The following TTC7B variants were observed in gnomAD, a reference collection of about 807,000 sequenced individuals.
TTC7B encodes the protein tetratricopeptide repeat protein 7B.
A neutral mutation model predicts 106.8 loss-of-function variants in TTC7B; 28 were observed. That is an observed-to-expected ratio of 0.26 (90% CI 0.19 to 0.36). The LOEUF (loss-of-function observed/expected upper bound fraction) is 0.36. Among genes scored for constraint, TTC7B ranks in the 10% least tolerant of loss-of-function variants. The pLI is 1.00. For synonymous variants in TTC7B, 405 were observed against 430.6 expected (o/e 0.94, Z 0.74); for missense variants, 862 against 1,076.4 (o/e 0.80, Z 2.79).
intron 15 of TTC7B, among the ~76,000 whole-genome samples, chr14:90,640,758 C>G (rs1198106294): frequency 6.6e-6 from 1 of 152,158 alleles, no homozygotes; most frequent in African/African-American, 2.4e-5. Context: ...AATGCACCAG[C>G]TAAATCAATT....
intron 5 of TTC7B, among the ~76,000 whole-genome samples, chr14:90,722,089 A>G (rs1888918823): frequency 6.6e-6 from 1 of 152,222 alleles, no homozygotes; most frequent in African/African-American, 2.4e-5. Context: ...AGGTGAGTCA[A>G]GTCTTCCAGA....
Position 90,808,782 on chromosome 14 carries a change from G to A in TTC7B, c.121+7393C>T, listed in dbSNP as rs1047157902. On this transcript the variant is annotated intron_variant, in intron 1 of 19. Transcript: ENST00000328459. The surrounding 1 kb of genome is among the most constrained non-coding windows in gnomAD (Gnocchi z 4.2). ...CACGCATGTCAAAGGCCTGCAACCC[G>A]CCACCATCTACCAAGCATGAGGTCA... is the stretch of plus-strand genomic sequence containing the variant. 1.3e-5 allele frequency among the ~76,000 whole-genome samples: 2 copies of A among 152,130 alleles called. No individual in the cohort carries two copies. Among genetic ancestry groups the A allele is most frequent in the Non-Finnish European group, 2.9e-5 (2 of 68,024 alleles).
At chr14:90,806,588 C>G (rs1226198740) in intron 1 of TTC7B, among the ~76,000 whole-genome samples, 1 of 152,164 alleles carries the variant, frequency 6.6e-6, no homozygotes, top group African/African-American at 2.4e-5. Context: ...GTCTCATTTA[C>G]TCCACAAAAT....
chr14:90,706,222 G>A (rs1888205263), intron 5 of TTC7B, among the ~76,000 whole-genome samples: 1 of 150,506 alleles, frequency 6.6e-6, no homozygotes, highest in African/African-American at 2.5e-5. Flanking sequence ...GGGTGCAGTG[G>A]CGCAATCTCG....
In TTC7B at chr14:90,649,011, A is replaced by G. The variant is rs1344626812; in HGVS notation, c.1518-1988T>C. 2.6e-5 allele frequency: 4 copies of G among 152,336 alleles called. No homozygotes were observed. In the East Asian group the frequency reaches 7.7e-4, roughly 29 times the overall value. 9.4% of individuals were successfully genotyped at this position (152,336 alleles called of 1,614,324 possible). A position where few individuals can be genotyped will look rare whatever the true frequency, so the allele number is the denominator to read the frequency against. ...AAGCTGGCAATGATCTGTTGAGTTG[A>G]GGGTGTACATAAAGATAGTTCTGGC... On this transcript the variant is annotated intron_variant, in intron 13 of 19. Transcript: ENST00000328459.
intron 1 of TTC7B, among the ~76,000 whole-genome samples, chr14:90,792,738 T>C (rs1239811428): frequency 6.6e-6 from 1 of 152,014 alleles, no homozygotes; most frequent in African/African-American, 2.4e-5. Flanking sequence ...AATGAAGATG[T>C]GTACAGTATT....
intron 8 of TTC7B, among the ~76,000 whole-genome samples, chr14:90,680,124 T>C (rs1416798917): frequency 6.6e-6 from 1 of 152,230 alleles, no homozygotes; most frequent in African/African-American, 2.4e-5. Context: ...GGCCTCTTTC[T>C]CCTTTTAAGG....
intron 1 of TTC7B, among the ~76,000 whole-genome samples, chr14:90,801,158 G>A (rs1311268868): frequency 5.4e-5 from 8 of 149,102 alleles, no homozygotes; most frequent in Non-Finnish European, 1.5e-5. Flanking sequence ...CCGGGAGGTC[G>A]AGGCTGTAGT....
intron 5 of TTC7B, among the ~76,000 whole-genome samples, chr14:90,724,740 T>C (rs750317282): frequency 4.6e-5 from 7 of 152,204 alleles, no homozygotes; most frequent in Non-Finnish European, 1.0e-4. Context: ...CTTTTCTTTA[T>C]AAAATACCCG....
At chr14:90,770,384 C>T (rs908073231) in intron 3 of TTC7B, among the ~76,000 whole-genome samples, 1 of 152,134 alleles carries the variant, frequency 6.6e-6, no homozygotes, top group Admixed American at 6.5e-5. Flanking sequence ...AGGCCAGGCG[C>T]GGTGGCTCAC....
intron 17 of TTC7B, among the ~76,000 whole-genome samples, chr14:90,594,298 T>C (rs1892111832): frequency 6.6e-6 from 1 of 152,170 alleles, no homozygotes; most frequent in African/African-American, 2.4e-5. Context: ...TGCACCTGCC[T>C]AATTATTCTG....
chr14:90,814,033 C>T (rs1026074395), intron 1 of TTC7B, among the ~76,000 whole-genome samples: 6 of 152,276 alleles, frequency 3.9e-5, no homozygotes, highest in African/African-American at 1.4e-4. Flanking sequence ...TTTTCAAGTC[C>T]GGGTAACTTT....
intron 3 of TTC7B, among the ~76,000 whole-genome samples, chr14:90,745,312 AAAAG>A (rs1380844414): frequency 0.033 from 4,838 of 148,220 alleles, 55 homozygotes; most frequent in Non-Finnish European, 0.047. Flanking sequence ...AAAAAAAAAA[AAAAG>A]AAGAAGAAGA....
At chr14:90,720,178 A>G (rs1029387451) in intron 5 of TTC7B, among the ~76,000 whole-genome samples, 1 of 151,616 alleles carries the variant, frequency 6.6e-6, no homozygotes, top group Non-Finnish European at 1.5e-5. Context: ...ACCCCACCTC[A>G]CCTTTGCCAG....
rs76445938 is a variant in TTC7B at position 90,540,086 on chromosome 14, G to C, written c.*1282C>G. The C allele has an allele frequency of 0.041, 6,319 of 152,306 alleles. 175 individuals carry two copies. Among genetic ancestry groups the C allele is most frequent in the East Asian group, 0.16 (828 of 5,172 alleles). The allele number at this position is 152,306 out of a possible 1,614,324, so 9.4% of individuals were successfully genotyped here. A position where few individuals can be genotyped will look rare whatever the true frequency, so the allele number is the denominator to read the frequency against. The stretch of plus-strand genomic sequence containing the variant: ...GCTGTTGCTGCAAAAAGGAGGCCTG[G>C]GTGCTGAGGACGCAGGAAACACGTC... On this transcript the variant is annotated 3_prime_UTR_variant, in exon 20 of 20. Transcript: ENST00000328459.
rs547932821 is a variant in TTC7B at position 90,663,297 on chromosome 14, C to T, written c.1153-4910G>A. The stretch of plus-strand genomic sequence containing the variant: ...CTTCCAGAGACTGAGCTCTTCACCA[C>T]AACACTACTGCCTCTGAAACTTTAA... On this transcript the variant is annotated intron_variant, in intron 9 of 19. Coordinates refer to ENST00000328459, the MANE Select transcript of TTC7B (RefSeq NM_001010854.2). The surrounding 1 kb of genome is among the most constrained non-coding windows in gnomAD (Gnocchi z 4.5). Among the ~76,000 whole-genome samples, 1 of 152,318 alleles carries T rather than the reference C, an allele frequency of 6.6e-6. No homozygotes were observed. The highest frequency in any genetic ancestry group is 1.9e-4 in the East Asian group (1 of 5,178).
At chr14:90,789,305 C>A (rs1228109360) in intron 1 of TTC7B, among the ~76,000 whole-genome samples, 1 of 152,042 alleles carries the variant, frequency 6.6e-6, no homozygotes, top group Non-Finnish European at 1.5e-5. Context: ...GCCATGTTGG[C>A]CAGGCTGGTC....
Position 90,652,167 on chromosome 14 carries a change from G to A in TTC7B, c.1517+674C>T, listed in dbSNP as rs559984456. ...TACTGACTTCAACAGCTGCGGGACC[G>A]GCAGCTCCTGTAACTCCTGCGCCTC... On this transcript the variant is annotated intron_variant, in intron 13 of 19. Coordinates refer to ENST00000328459, the MANE Select transcript of TTC7B (RefSeq NM_001010854.2). Among the ~76,000 whole-genome samples the A allele has an allele frequency of 3.3e-5, 5 of 152,284 alleles. No individual in the cohort carries two copies. The East Asian group carries it at 5.8e-4, about 18-fold the overall frequency.
chr14:90,755,187 G>C (rs1890250559), intron 3 of TTC7B, among the ~76,000 whole-genome samples: 1 of 152,238 alleles, frequency 6.6e-6, no homozygotes, highest in African/African-American at 2.4e-5. Flanking sequence ...ATTGGCTCTT[G>C]TGTGGGCACA....
Sources: allele counts gnomAD v4.1 joint callset (sites outside exome capture counted in the v4.1 genomes callset), GRCh38; gene constraint gnomAD v4.1.1; non-coding constraint Gnocchi (gnomAD v3.1); transcripts MANE v1.5; gene names NCBI Gene and HGNC (gene_info 2026-07-23, HGNC 2026-07-21).